The following VAT1L variants were observed in gnomAD, a reference collection of about 807,000 sequenced individuals.
VAT1L encodes vesicle amine transport 1 like, also known as putative NADPH-dependent quinone oxidoreductase VAT1L.
A neutral mutation model predicts 44.1 loss-of-function variants in VAT1L; 34 were observed. The observed-to-expected ratio is 0.77, with a 90% CI of 0.59 to 1.03. VAT1L has a LOEUF of 1.03. Among genes scored for constraint, VAT1L ranks in the 50% least tolerant of loss-of-function variants. The probability of loss-of-function intolerance (pLI) is 0.00; values close to 1 mark genes in which losing one functional copy is unlikely to be tolerated. For synonymous variants in VAT1L, 253 were observed against 202.2 expected, an observed-to-expected ratio of 1.25 and a Z score of -2.13; for missense variants, 615 against 538.8, an observed-to-expected ratio of 1.14 and a Z score of -1.40.
At chr16:77,900,897 A>G (rs1190592766) in intron 7 of VAT1L, among the ~76,000 whole-genome samples, 4 of 152,032 alleles carry the variant, frequency 2.6e-5, no homozygotes, top group African/African-American at 9.7e-5. Flanking sequence ...TTTATGAGCA[A>G]ATTAAGGGCA....
intron 7 of VAT1L, among the ~76,000 whole-genome samples, chr16:77,886,025 A>C (rs1370641583): frequency 6.6e-6 from 1 of 151,410 alleles, no homozygotes; most frequent in Non-Finnish European, 1.5e-5. Flanking sequence ...GAAATTCCTA[A>C]ATTAACCAAA....
At chr16:77,830,057 A>G (rs1376941422) in intron 3 of VAT1L, among the ~76,000 whole-genome samples, 3 of 152,126 alleles carry the variant, frequency 2.0e-5, no homozygotes, top group Non-Finnish European at 2.9e-5. Flanking sequence ...CCCTCGAGGA[A>G]CATGAGATGC....
intron 1 of VAT1L, chr16:77,801,714 TA>T (rs10548911): frequency 0.19 from 26,448 of 142,686 alleles, 2,692 homozygotes; most frequent in African/African-American, 0.29. Context: ...CACTTTCATT[TA>T]AAAAAAAAAA....
At chr16:77,961,376 C>G (rs1412847400) in intron 7 of VAT1L, among the ~76,000 whole-genome samples, 2 of 152,166 alleles carry the variant, frequency 1.3e-5, no homozygotes, top group Non-Finnish European at 2.9e-5. Context: ...TCCTTCCTCC[C>G]TCGGATCTGT....
chr16:77,877,250 C>G lies in VAT1L; in HGVS notation c.826+777C>G, dbSNP rs369574965. ...CACAGGCCGGGCGCAGTGGCTCACG[C>G]CTGTAATCCCAGCACTTTGGGAGGC... On this transcript the variant is annotated intron_variant, in intron 5 of 8. Coordinates refer to ENST00000302536, the MANE Select transcript of VAT1L (RefSeq NM_020927.3). Among the ~76,000 whole-genome samples, 233 of 152,230 alleles carry G rather than the reference C, an allele frequency of 1.5e-3. 1 individual carries two copies. Among genetic ancestry groups the G allele is most frequent in the African/African-American group, 5.4e-3 (225 of 41,546 alleles).
intron 7 of VAT1L, among the ~76,000 whole-genome samples, chr16:77,944,886 A>G (rs1033090796): frequency 1.3e-5 from 2 of 152,116 alleles, no homozygotes; most frequent in African/African-American, 2.4e-5. Context: ...TGGAAACTTC[A>G]TGGGGCAGGT....
rs1274486885 is a variant in VAT1L, at chr16:77,899,832, C to T, written c.1077+15030C>T. 2.6e-5 allele frequency among the ~76,000 whole-genome samples: 4 copies of T among 152,244 alleles called. No homozygotes were observed. The East Asian group carries it at 5.8e-4, about 22-fold the overall frequency. ...CACACAACTCTACTAAGTAGTAGCA[C>T]AGATTCCCTTGACTTTAAGGCCAGT... is the stretch of plus-strand genomic sequence containing the variant. On this transcript the variant is annotated intron_variant, in intron 7 of 8. Coordinates refer to ENST00000302536, the MANE Select transcript of VAT1L (RefSeq NM_020927.3).
At chr16:77,868,036 T>G (rs960766610) in intron 4 of VAT1L, among the ~76,000 whole-genome samples, 1 of 152,198 alleles carries the variant, frequency 6.6e-6, no homozygotes, top group East Asian at 1.9e-4. Flanking sequence ...TAAAATATCA[T>G]GAGTCAAAAA....
chr16:77,903,812 C>A (rs1412810054), intron 7 of VAT1L, among the ~76,000 whole-genome samples: 1 of 149,580 alleles, frequency 6.7e-6, no homozygotes, highest in African/African-American at 2.5e-5. Flanking sequence ...TCTCGGCTCA[C>A]TGCAAGCTCC....
intron 3 of VAT1L, among the ~76,000 whole-genome samples, chr16:77,852,179 C>T (rs2016814804): frequency 6.6e-6 from 1 of 152,172 alleles, no homozygotes. Flanking sequence ...TCAAACATAC[C>T]ATGAGGTGAA....
chr16:77,948,611 C>A lies in VAT1L; in HGVS notation c.1078-23239C>A, dbSNP rs79838088. ...GCCCCCATACTCCTTCCCTGTTACC[C>A]GGTTTCCACAATGATTAATATTTGG... is the stretch of plus-strand genomic sequence containing the variant. On this transcript the variant is annotated intron_variant, in intron 7 of 8. Coordinates refer to ENST00000302536, the MANE Select transcript of VAT1L (RefSeq NM_020927.3). Among the ~76,000 whole-genome samples the A allele has an allele frequency of 6.0e-3, 911 of 152,206 alleles. 11 individuals carry two copies. Among genetic ancestry groups the A allele is most frequent in the African/African-American group, 0.02 (847 of 41,522 alleles).
At chr16:77,834,645 A>T (rs1387089068) in intron 3 of VAT1L, among the ~76,000 whole-genome samples, 2 of 152,028 alleles carry the variant, frequency 1.3e-5, no homozygotes, top group African/African-American at 4.8e-5. Flanking sequence ...GTCTCTATCC[A>T]GTCCCTGCAT....
chr16:77,836,782 C>A (rs769914983), intron 3 of VAT1L, among the ~76,000 whole-genome samples: 1 of 152,070 alleles, frequency 6.6e-6, no homozygotes, highest in South Asian at 2.1e-4. Context: ...TCTCCTTGAC[C>A]GTAAATCATG....
chr16:77,826,652 C>T (rs1357788228), intron 3 of VAT1L, among the ~76,000 whole-genome samples: 1 of 152,172 alleles, frequency 6.6e-6, no homozygotes, highest in African/African-American at 2.4e-5. Flanking sequence ...GTGTATATTG[C>T]ATGCCTGCTA....
chr16:77,795,671 G>C (rs1263297413), intron 1 of VAT1L, among the ~76,000 whole-genome samples: 1 of 152,136 alleles, frequency 6.6e-6, no homozygotes, highest in Non-Finnish European at 1.5e-5. Context: ...GCATTAGTAG[G>C]GAATCAGCGC....
At chr16:77,906,501 A>C (rs1343020183) in intron 7 of VAT1L, among the ~76,000 whole-genome samples, 1 of 152,246 alleles carries the variant, frequency 6.6e-6, no homozygotes, top group African/African-American at 2.4e-5. Context: ...ACTTATGTGC[A>C]GGAACTTATT....
intron 7 of VAT1L, among the ~76,000 whole-genome samples, chr16:77,942,460 T>G (rs768898531): frequency 2.6e-5 from 4 of 152,060 alleles, no homozygotes; most frequent in Non-Finnish European, 5.9e-5. Flanking sequence ...CATATGCGCA[T>G]ACAATTGTGA....
In VAT1L at chr16:77,895,118, T is replaced by TACACACA. The variant is rs1567500925; in HGVS notation, c.1077+10316_1077+10317insACACACA. ...CACTTGCCCACACACACACACACAC[T>TACACACA]CACACATTTCCGATTTCTACGCACA... On this transcript the variant is annotated intron_variant, in intron 7 of 8. Coordinates refer to ENST00000302536, the MANE Select transcript of VAT1L (RefSeq NM_020927.3). 2.7e-4 allele frequency among the ~76,000 whole-genome samples: 40 copies of TACACACA among 150,176 alleles called. 1 individual carries two copies. The highest frequency in any genetic ancestry group is 9.9e-4 in the African/African-American group (40 of 40,482).
chr16:77,830,298 G>C (rs944611194), intron 3 of VAT1L, among the ~76,000 whole-genome samples: 1 of 152,094 alleles, frequency 6.6e-6, no homozygotes, highest in African/African-American at 2.4e-5. Flanking sequence ...TCCCAATTCA[G>C]ATGTAAGCTC....
Sources: allele counts gnomAD v4.1 joint callset (sites outside exome capture counted in the v4.1 genomes callset), GRCh38; gene constraint gnomAD v4.1.1; transcripts MANE v1.5; gene names NCBI Gene and HGNC (gene_info 2026-07-23, HGNC 2026-07-21).